SIDT1: variants seen among roughly 807,000 people sequenced by gnomAD.
SIDT1 encodes SID1 transmembrane family, member 1.
A neutral mutation model predicts 107.5 loss-of-function variants in SIDT1; 101 were observed. That is an observed-to-expected ratio of 0.94 (90% confidence interval 0.80 to 1.11). SIDT1 has a LOEUF of 1.11. Among genes scored for constraint, SIDT1 ranks in the 50% least tolerant of loss-of-function variants. SIDT1 has a pLI of 0.00. For synonymous variants in SIDT1, 395 were observed against 398.2 expected, an observed-to-expected ratio of 0.99 and a Z score of 0.10; for missense variants, 1,076 against 1,058.2, an observed-to-expected ratio of 1.02 and a Z score of -0.23.
rs115569584 is a variant in SIDT1 at position 113,546,968 on chromosome 3, A to T, written c.222+13725A>T. On this transcript the variant is annotated intron_variant, in intron 1 of 24. Transcript: ENST00000264852. ...TAAAGCACATCTAATGAGCTATTTGAAATGGGGCCTCACTATGCTTTCTGC... is the reference window on the plus strand; with the variant it reads ...TAAAGCACATCTAATGAGCTATTTGTAATGGGGCCTCACTATGCTTTCTGC... 2.4e-3 allele frequency among the ~76,000 whole-genome samples: 359 copies of T among 152,304 alleles called. 1 individual carries two copies. The highest frequency in any genetic ancestry group is 8.2e-3 in the African/African-American group (339 of 41,580).
intron 9 of SIDT1, among the ~76,000 whole-genome samples, chr3:113,586,733 C>T (rs1943771468): frequency 6.6e-6 from 1 of 152,126 alleles, no homozygotes; most frequent in Non-Finnish European, 1.5e-5. Context: ...TGTGTGCCTC[C>T]AGATGTGACA....
intron 7 of SIDT1, among the ~76,000 whole-genome samples, chr3:113,584,470 A>G (rs1943590817): frequency 6.6e-6 from 1 of 152,216 alleles, no homozygotes; most frequent in East Asian, 1.9e-4. Flanking sequence ...CAAAATGCAC[A>G]CAAGCAAAGG....
chr3:113,576,971 A>AGT lies in SIDT1; in HGVS notation c.561+6_561+7dup. ...TGCCAGCCCCTCTCAACCTCAGGTA[A>AGT]GTGAAGGGGTTCCAAGAGTTATCAA... is the stretch of plus-strand genomic sequence containing the variant. On this transcript the variant is annotated splice_donor_region_variant and intron_variant, in intron 4 of 24. Coordinates refer to ENST00000264852, the MANE Select transcript of SIDT1 (RefSeq NM_017699.3). 2.5e-6 allele frequency: 4 copies of AGT among 1,614,006 alleles called. No homozygotes were observed. The highest frequency in any genetic ancestry group is 3.4e-6 in the Non-Finnish European group (4 of 1,179,878).
chr3:113,551,020 T>G (rs1940175416), intron 1 of SIDT1, among the ~76,000 whole-genome samples: 1 of 152,162 alleles, frequency 6.6e-6, no homozygotes, highest in South Asian at 2.1e-4. Context: ...CGGTATTTGG[T>G]TTTCTGTTCC....
chr3:113,597,544 T>C (rs1486013394), intron 10 of SIDT1, among the ~76,000 whole-genome samples: 2 of 151,410 alleles, frequency 1.3e-5, no homozygotes, highest in Admixed American at 1.3e-4. Context: ...TTCCCATCAT[T>C]TCTGGCTCCC....
rs1238646983 is a variant in SIDT1, at chr3:113,567,489, A to T, written c.345-51A>T. On this transcript the variant is annotated intron_variant, in intron 2 of 24. Coordinates refer to ENST00000264852, the MANE Select transcript of SIDT1 (RefSeq NM_017699.3). ...GGCTCCTTTCCCTGCTCATTCACTGAGTCCCTTTCTTGTCCTTGTTTATTT... is the reference window on the plus strand; with the variant it reads ...GGCTCCTTTCCCTGCTCATTCACTGTGTCCCTTTCTTGTCCTTGTTTATTT... 14 of 1,455,774 alleles carry T rather than the reference A, an allele frequency of 9.6e-6. No homozygotes were observed. In the South Asian group the frequency reaches 1.8e-4, roughly 19 times the overall value. The allele number at this position is 1,455,774 out of a possible 1,614,324, so 90.2% of individuals were successfully genotyped here. A position where few individuals can be genotyped will look rare whatever the true frequency, so the allele number is the denominator to read the frequency against.
intron 10 of SIDT1, among the ~76,000 whole-genome samples, chr3:113,593,969 G>T (rs1252042422): frequency 6.6e-6 from 1 of 152,096 alleles, no homozygotes; most frequent in Non-Finnish European, 1.5e-5. Flanking sequence ...CCTCATTTTT[G>T]AAAAACCTAA....
chr3:113,542,772 C>T (rs549135169), intron 1 of SIDT1, among the ~76,000 whole-genome samples: 1 of 152,258 alleles, frequency 6.6e-6, no homozygotes, highest in African/African-American at 2.4e-5. Context: ...TTCCTTCTTT[C>T]ATTTTATGGA....
At chr3:113,623,310 A>C (rs1231762734) in intron 21 of SIDT1, 117 bp from the exon 22 acceptor site, 3 of 553,604 alleles carry the variant, frequency 5.4e-6, no homozygotes, top group Non-Finnish European at 9.5e-6. Context: ...CTAAAAATAA[A>C]AGTTAAAAAA....
intron 1 of SIDT1, among the ~76,000 whole-genome samples, chr3:113,541,459 C>T (rs541376350): frequency 3.9e-5 from 6 of 152,294 alleles, no homozygotes; most frequent in South Asian, 2.1e-4. Context: ...CGTCAGCCTC[C>T]GGGCCCGGCC....
intron 10 of SIDT1, among the ~76,000 whole-genome samples, chr3:113,593,468 C>T (rs1352531525): frequency 6.6e-6 from 1 of 152,174 alleles, no homozygotes; most frequent in East Asian, 1.9e-4. Flanking sequence ...CATCCCCACC[C>T]CCGTCTGTGG....
In SIDT1 at chr3:113,584,758, C is replaced by A; in HGVS notation, c.896C>A (p.Pro299His). Residue 299 changes from proline to histidine, a missense_variant, in exon 8 of 25, where the codon CCT becomes CAT. Physicochemically the swap from Pro to His is moderately conservative, Grantham distance 77. Transcript: ENST00000264852. Reference sequence around the variant, plus strand: ...AAGAACCTTGAAGTGACCATTGTCCCTTCCATTAAAGGTCAGTGTTGGCTC... The same window carrying A: ...AAGAACCTTGAAGTGACCATTGTCCATTCCATTAAAGGTCAGTGTTGGCTC... ...RKKNLEVTIV[P>H]SIKESVYVKS... The A allele has an allele frequency of 6.3e-7, 1 of 1,592,338 alleles. No homozygotes were observed. The highest frequency in any genetic ancestry group is 8.5e-7 in the Non-Finnish European group (1 of 1,173,660).
chr3:113,587,832 A>C (rs1943853447), intron 9 of SIDT1, among the ~76,000 whole-genome samples: 2 of 152,226 alleles, frequency 1.3e-5, no homozygotes, highest in African/African-American at 4.8e-5. Context: ...CAGGCTGATC[A>C]AAATGGGTCT....
At chr3:113,631,135 T>C (rs537468394), downstream of SIDT1, among the ~76,000 whole-genome samples, 2 of 152,320 alleles carry the variant, frequency 1.3e-5, no homozygotes, top group South Asian at 4.1e-4. Flanking sequence ...GCCTGGCTGT[T>C]TATAATGTGA....
chr3:113,533,353 G>C, intron 1 of SIDT1, 110 bp downstream of exon 1: 1 of 862,862 alleles, frequency 1.2e-6, no homozygotes, highest in Non-Finnish European at 1.6e-6. Flanking sequence ...CGGGGACCAG[G>C]GGACTTTCTT....
At chr3:113,611,827 C>T (rs1945766337) in intron 18 of SIDT1, among the ~76,000 whole-genome samples, 1 of 152,146 alleles carries the variant, frequency 6.6e-6, no homozygotes, top group Non-Finnish European at 1.5e-5. Context: ...CATTCGCCCC[C>T]ACTTTAGACC....
chr3:113,533,556 C>G (rs1301408111), intron 1 of SIDT1, among the ~76,000 whole-genome samples: 1 of 152,168 alleles, frequency 6.6e-6, no homozygotes, highest in Non-Finnish European at 1.5e-5. Context: ...GTCCTGATTT[C>G]TAGGGTTGCG....
chr3:113,610,937 A>G, intron 17 of SIDT1, 71 bp from the exon 18 acceptor site: 1 of 1,554,332 alleles, frequency 6.4e-7, no homozygotes, highest in African/African-American at 1.4e-5. Context: ...GTCTGAAGAA[A>G]AATCTAGAAA....
At chr3:113,585,338 C>T in intron 9 of SIDT1, 68 bp downstream of exon 9, 2 of 1,156,400 alleles carry the variant, frequency 1.7e-6, no homozygotes, top group South Asian at 1.2e-5. Context: ...GCAGCACAGA[C>T]TTGACAGATA....
Sources: allele counts gnomAD v4.1 joint callset (sites outside exome capture counted in the v4.1 genomes callset), GRCh38; gene constraint gnomAD v4.1.1; transcripts MANE v1.5; gene names NCBI Gene and HGNC (gene_info 2026-07-23, HGNC 2026-07-21).